ZNF142: variants seen among roughly 807,000 people sequenced by gnomAD.
ZNF142 encodes zinc finger protein 142, also known as zinc finger protein 142 (clone pHZ-49).
ZNF142 carries 96 observed loss-of-function variants against 132.1 expected under a neutral mutation model. The observed-to-expected ratio is 0.73, with a 90% CI of 0.62 to 0.86. The LOEUF (loss-of-function observed/expected upper bound fraction) is 0.86, where lower values mean the gene tolerates loss of function less well. Ranked by LOEUF, ZNF142 falls within the 40% of genes least tolerant of loss-of-function variation. The probability of loss-of-function intolerance (pLI) is 0.00; values close to 1 mark genes in which losing one functional copy is unlikely to be tolerated. For missense variants in ZNF142, 2,163 were observed against 2,336.2 expected (o/e 0.93, Z 1.53); for synonymous variants, 842 against 890.1 (o/e 0.95, Z 0.96).
Position 218,644,336 on chromosome 2 carries a change from C to A in ZNF142, c.2780G>T (p.Gly927Val). Residue 927 changes from glycine (G) to valine (V), a missense_variant, in exon 9 of 11, where the codon GGA becomes GTA. Coordinates refer to ENST00000411696, the MANE Select transcript of ZNF142 (RefSeq NM_001379659.1). This position sits in a 1 kb window ranked among gnomAD's most constrained non-coding sequence, Gnocchi z 4.6. ...ETAPMEFRPL[G>V]LEGPDGLEGP... ...TTCCAGTCCATCTGGCCCTTCCAGT[C>A]CCAGGGGCCTGAACTCCATAGGGGC... 3 of 1,614,124 alleles carry A rather than the reference C, an allele frequency of 1.9e-6. No individual in the cohort carries two copies. The South Asian group carries it at 3.3e-5, about 18-fold the overall frequency.
Position 218,656,263 on chromosome 2 carries a change from G to A in ZNF142, c.167C>T (p.Pro56Leu), listed in dbSNP as rs1469560872. 1.5e-5 allele frequency: 24 copies of A among 1,613,640 alleles called. No individual in the cohort carries two copies. Among genetic ancestry groups the A allele is most frequent in the Non-Finnish European group, 1.9e-5 (23 of 1,179,782 alleles). Residue 56 changes from proline to leucine, a missense_variant, in exon 4 of 11, where the codon CCA (proline) becomes CTA (leucine). Pro to Leu is a moderately conservative substitution (Grantham distance 98). This residue lies in a region of ZNF142 where 195 missense variants were observed against 172.4 expected (regional missense o/e 1.13). Coordinates refer to ENST00000411696, the MANE Select transcript of ZNF142 (RefSeq NM_001379659.1). Reference protein sequence around the residue: ...SRDPAPIPTEPGCLLVEATAT... With the variant: ...SRDPAPIPTELGCLLVEATAT... ...TGTGGCCTCTACCAGCAGGCAGCCT[G>A]GCTCAGTAGGTATAGGTGCAGGGTC...
At chr2:218,648,600 T>A (rs1937655363) in intron 7 of ZNF142, 35 bp downstream of exon 7, 1 of 1,587,848 alleles carries the variant, frequency 6.3e-7, no homozygotes, top group Non-Finnish European at 8.6e-7. Flanking sequence ...ACCATCATTA[T>A]TACAACATTA....
At position 218,642,386 on chromosome 2, in the gene ZNF142, T is replaced by C. The variant is rs754354524; in HGVS notation, c.4730A>G (p.His1577Arg). Residue 1577 changes from histidine to arginine, a missense_variant, in exon 9 of 11, where the codon CAT becomes CGT. Around this residue, in one of 7 missense-constraint regions of ZNF142, gnomAD observed 809 missense variants for 801.7 expected, o/e 1.01. Coordinates refer to ENST00000411696, the MANE Select transcript of ZNF142 (RefSeq NM_001379659.1). This position sits in a 1 kb window ranked among gnomAD's most constrained non-coding sequence, Gnocchi z 4.6. ...LALDEHRRQQ[H>R]FSHRCQLCDF... ...ACAGAGCTGACAGCGGTGGCTGAAA[T>C]GCTGCTGCCTCCGGTGCTCATCCAG... is the stretch of plus-strand genomic sequence containing the variant. 3 of 1,613,024 alleles carry C rather than the reference T, an allele frequency of 1.9e-6. No homozygotes were observed. Among genetic ancestry groups the C allele is most frequent in the African/African-American group, 1.3e-5 (1 of 75,068 alleles).
chr2:218,638,481 C>A lies in ZNF142; in HGVS notation c.5522G>T (p.Arg1841Leu), dbSNP rs772282172. ...KQKFQVVKHV[R>L]RHHPDQADPN... is the part of the protein sequence containing the mutation. ...GTCGGCTTGGTCAGGGTGGTGCCTG[C>A]GTACGTGCTTGACCACCTGGAACTT... is the stretch of plus-strand genomic sequence containing the variant. The change falls in exon 11 of 11, where the codon CGC becomes CTC. Residue 1841 changes from arginine to leucine, a missense_variant. By Grantham distance (102) the Arg-to-Leu change is moderately radical. Transcript: ENST00000411696. The A allele has an allele frequency of 1.3e-6, 2 of 1,599,264 alleles. No individual in the cohort carries two copies. The highest frequency in any genetic ancestry group is 2.2e-5 in the South Asian group (2 of 89,070).
rs1472576874 is a variant in ZNF142, at chr2:218,648,729, C to T, written c.1779G>A (p.Lys593=). 6.2e-7 allele frequency: 1 copy of T among 1,614,138 alleles called. No homozygotes were observed. Among genetic ancestry groups the T allele is most frequent in the African/African-American group, 1.3e-5 (1 of 74,956 alleles). Residue 593 remains lysine (K), a synonymous_variant, in exon 7 of 11, where the codon AAG becomes AAA. Coordinates refer to ENST00000411696, the MANE Select transcript of ZNF142 (RefSeq NM_001379659.1). ...NPVAYQDHVG[K]MHAHEKIHQC... ...GGTGGATCTTTTCATGAGCATGCAT[C>T]TTGCCTACATGATCCTGGTAAGCCA...
intron 9 of ZNF142, among the ~76,000 whole-genome samples, chr2:218,641,084 G>A (rs182233066): frequency 5.3e-5 from 8 of 151,914 alleles, no homozygotes; most frequent in Middle Eastern, 3.4e-3. Context: ...ACAGGCATGC[G>A]CCACAATGTC....
rs1320783187 is a variant in ZNF142, at chr2:218,636,055, G to A, written c.*2284C>T. Reference sequence around the variant, plus strand: ...CCCACATGGGAGGCAGTGTGGAACAGTACAAAGAATCCTGGCTCTTCACTT... The same window carrying A: ...CCCACATGGGAGGCAGTGTGGAACAATACAAAGAATCCTGGCTCTTCACTT... On this transcript the variant is annotated 3_prime_UTR_variant, in exon 11 of 11. Transcript: ENST00000411696. 2 of 1,478,126 alleles carry A rather than the reference G, an allele frequency of 1.4e-6. No individual in the cohort carries two copies. Among genetic ancestry groups the A allele is most frequent in the Admixed American group, 2.0e-5 (1 of 50,202 alleles). The allele number at this position is 1,478,126 out of a possible 1,614,324, so 91.6% of individuals were successfully genotyped here.
At position 218,651,983 on chromosome 2, in the gene ZNF142, A is replaced by G. The variant is rs1054232204; in HGVS notation, c.598T>C (p.Cys200Arg). 1.0e-5 allele frequency: 8 copies of G among 794,716 alleles called. No homozygotes were observed. Among genetic ancestry groups the G allele is most frequent in the Admixed American group, 4.7e-5 (2 of 42,950 alleles). 49.2% of individuals were successfully genotyped at this position (794,716 alleles called of 1,614,324 possible). The stretch of plus-strand genomic sequence containing the variant: ...TTGCGATCTTCAGCAGAGAACACAC[A>G]GCCAGATTCTGGGCAGGAGAAGGTG... The part of the protein sequence containing the change: ...PDTFSCPESG[C>R]VFSAEDRKGL... Residue 200 changes from cysteine (C) to arginine (R), a missense_variant, in exon 5 of 11, where the codon TGT becomes CGT. Transcript: ENST00000411696.
chr2:218,636,604 T>G lies in ZNF142; in HGVS notation c.*1735A>C, dbSNP rs902277696. 6.2e-7 allele frequency: 1 copy of G among 1,604,636 alleles called. No individual in the cohort carries two copies. The highest frequency in any genetic ancestry group is 8.5e-7 in the Non-Finnish European group (1 of 1,172,160). On this transcript the variant is annotated 3_prime_UTR_variant, in exon 11 of 11. Transcript: ENST00000411696. ...GTGGGCATTTCACGGGAAGGGTTGG[T>G]GTGCTGGCTTTAGACGGGGAGAAAC...
Position 218,636,271 on chromosome 2 carries a change from A to G in ZNF142, c.*2068T>C, listed in dbSNP as rs761326410. On this transcript the variant is annotated 3_prime_UTR_variant, in exon 11 of 11. Transcript: ENST00000411696. ...TTAATCCATACTGGGGGCAGACACT[A>G]TGTTTCCGGGTGCTGGTGCCTGAAC... 11 of 1,613,960 alleles carry G rather than the reference A, an allele frequency of 6.8e-6. No homozygotes were observed. The highest frequency in any genetic ancestry group is 7.6e-6 in the Non-Finnish European group (9 of 1,179,860).
chr2:218,636,030 C>A lies in ZNF142; in HGVS notation c.*2309G>T. 6.4e-7 allele frequency: 1 copy of A among 1,552,582 alleles called. No homozygotes were observed. On this transcript the variant is annotated 3_prime_UTR_variant, in exon 11 of 11. Coordinates refer to ENST00000411696, the MANE Select transcript of ZNF142 (RefSeq NM_001379659.1). ...AGTATAGCATCTGTTATTGCATGTC[C>A]CCACATGGGAGGCAGTGTGGAACAG...
At position 218,637,904 on chromosome 2, in the gene ZNF142, T is replaced by C. The variant is rs1696848331; in HGVS notation, c.*435A>G. The C allele has an allele frequency of 1.3e-5, 2 of 155,040 alleles. No individual in the cohort carries two copies. Among genetic ancestry groups the C allele is most frequent in the South Asian group, 2.1e-4 (1 of 4,870 alleles). The allele number at this position is 155,040 out of a possible 1,614,324, so 9.6% of individuals were successfully genotyped here. A position where few individuals can be genotyped will look rare whatever the true frequency, so the allele number is the denominator to read the frequency against. On this transcript the variant is annotated 3_prime_UTR_variant, in exon 11 of 11. Coordinates refer to ENST00000411696, the MANE Select transcript of ZNF142 (RefSeq NM_001379659.1). Reference sequence around the variant, plus strand: ...GACAGGGATTTGGATGAATCTATAATGTAGTAACCACTTTCTGTTTAACAT... The same window carrying C: ...GACAGGGATTTGGATGAATCTATAACGTAGTAACCACTTTCTGTTTAACAT...
In ZNF142 at chr2:218,638,786, G is replaced by A. The variant is rs777579332; in HGVS notation, c.5217C>T (p.Pro1739=). ...CCCGGTTGGTGCAGTACTCACACTCGGGACACTGGTATGGCTTCAGTCCTA... is the reference window on the plus strand; with the variant it reads ...CCCGGTTGGTGCAGTACTCACACTCAGGACACTGGTATGGCTTCAGTCCTA... ...KHTGLKPYQC[P]ECEYCTNRAD... The change falls in exon 11 of 11, where the codon CCC becomes CCT. Residue 1739 remains proline (P), a synonymous_variant. Coordinates refer to ENST00000411696, the MANE Select transcript of ZNF142 (RefSeq NM_001379659.1). 197 of 1,603,366 alleles carry A rather than the reference G, an allele frequency of 1.2e-4. No homozygotes were observed. The highest frequency in any genetic ancestry group is 1.7e-4 in the Middle Eastern group (1 of 5,974).
Position 218,656,368 on chromosome 2 carries a change from C to T in ZNF142, c.62G>A (p.Cys21Tyr). The T allele has an allele frequency of 6.5e-7, 1 of 1,530,094 alleles. No individual in the cohort carries two copies. The highest frequency in any genetic ancestry group is 8.9e-7 in the Non-Finnish European group (1 of 1,129,790). The allele number at this position is 1,530,094 out of a possible 1,614,324, so 94.8% of individuals were successfully genotyped here. The change falls in exon 4 of 11, where the codon TGC becomes TAC. Residue 21 changes from cysteine to tyrosine, a missense_variant. Physicochemically the swap from Cys to Tyr is radical, Grantham distance 194. Coordinates refer to ENST00000411696, the MANE Select transcript of ZNF142 (RefSeq NM_001379659.1). ...ASSTGEMDGL[C>Y]PELLLIPPPL... is the part of the protein sequence containing the mutation. Reference sequence around the variant, plus strand: ...CGGGGGGATCAGCAATAGCTCAGGGCACAGTCCATCCATCTCCCCGGTGCT... The same window carrying T: ...CGGGGGGATCAGCAATAGCTCAGGGTACAGTCCATCCATCTCCCCGGTGCT...
rs894731045 is a variant in ZNF142 at position 218,647,674 on chromosome 2, G to A, written c.1873+961C>T. 1.5e-4 allele frequency among the ~76,000 whole-genome samples: 23 copies of A among 152,230 alleles called. No individual in the cohort carries two copies. The East Asian group carries it at 4.2e-3, about 28-fold the overall frequency. On this transcript the variant is annotated intron_variant, in intron 7 of 10. Transcript: ENST00000411696. The stretch of plus-strand genomic sequence containing the variant: ...TGATACTCAGTGAGAACTCAAAGGT[G>A]AGCTGTCCATATTGATGGTCAAGAC...
intron 9 of ZNF142, among the ~76,000 whole-genome samples, chr2:218,641,029 G>A (rs190348785): frequency 3.3e-5 from 5 of 151,434 alleles, no homozygotes; most frequent in Admixed American, 3.3e-4. Flanking sequence ...TAACCTCCTG[G>A]GCTAAAGCGA....
intron 7 of ZNF142, among the ~76,000 whole-genome samples, chr2:218,646,618 C>G (rs1479663652): frequency 1.3e-5 from 2 of 151,988 alleles, no homozygotes; most frequent in South Asian, 2.1e-4. Flanking sequence ...GAGTCTCAAT[C>G]TGTCGCCCAG....
Position 218,638,200 on chromosome 2 carries a change from A to T in ZNF142, c.*139T>A. Reference sequence around the variant, plus strand: ...GATAATTTCAAAGTACTATAGCCAGAGTCCCAGGAAGGTTCTAGTCACCCT... The same window carrying T: ...GATAATTTCAAAGTACTATAGCCAGTGTCCCAGGAAGGTTCTAGTCACCCT... On this transcript the variant is annotated 3_prime_UTR_variant, in exon 11 of 11. Coordinates refer to ENST00000411696, the MANE Select transcript of ZNF142 (RefSeq NM_001379659.1). 1 of 679,042 alleles carries T rather than the reference A, an allele frequency of 1.5e-6. No homozygotes were observed. The allele number at this position is 679,042 out of a possible 1,614,324, so 42.1% of individuals were successfully genotyped here.
Position 218,633,835 on chromosome 2 carries a change from T to C in ZNF142, c.*4504A>G. 1.3e-6 allele frequency: 2 copies of C among 1,546,088 alleles called. No individual in the cohort carries two copies. Among genetic ancestry groups the C allele is most frequent in the Non-Finnish European group, 1.8e-6 (2 of 1,131,104 alleles). Reference sequence around the variant, plus strand: ...CAGGCCTGATGGACTGGCAGGTAAGTCCCAAGAAAAAAGACAAGGTAGCTA... The same window carrying C: ...CAGGCCTGATGGACTGGCAGGTAAGCCCCAAGAAAAAAGACAAGGTAGCTA... On this transcript the variant is annotated 3_prime_UTR_variant, in exon 11 of 11. Transcript: ENST00000411696.
Sources: gnomAD v4.1 joint callset for allele counts (sites outside exome capture counted in the v4.1 genomes callset) on GRCh38, gnomAD v4.1.1 for gene constraint, gnomAD v4.1.1 regional missense constraint, Gnocchi (gnomAD v3.1) non-coding constraint, MANE v1.5 for transcripts, NCBI Gene and HGNC (gene_info 2026-07-23, HGNC 2026-07-21) for gene names.